The following NRXN1 variants were observed in gnomAD, a reference collection of about 807,000 sequenced individuals.
The protein encoded by NRXN1 is neurexin-1.
Under a neutral mutation model 150.9 loss-of-function variants are expected in NRXN1, and 39 were observed. That is an observed-to-expected ratio of 0.26 (90% CI 0.20 to 0.34). NRXN1 has a LOEUF of 0.34. NRXN1 is among the 10% of genes least tolerant of loss of function. NRXN1 has a pLI of 1.00. For synonymous variants in NRXN1, 924 were observed against 757.0 expected (o/e 1.22, Z -3.62); for missense variants, 1,815 against 1,949.9 (o/e 0.93, Z 1.30).
chr2:50,740,881 T>C (rs1699344347), intron 5 of NRXN1, among the ~76,000 whole-genome samples: 1 of 152,184 alleles, frequency 6.6e-6, no homozygotes, highest in Admixed American at 6.5e-5. Flanking sequence ...TCTGTCATAA[T>C]CAATAACTAC....
At chr2:50,902,859 GAATT>G (rs1202453714) in intron 5 of NRXN1, among the ~76,000 whole-genome samples, 9 of 152,186 alleles carry the variant, frequency 5.9e-5, no homozygotes, top group African/African-American at 1.7e-4. Context: ...AGTCAAAAAT[GAATT>G]AATAGATTAA....
intron 18 of NRXN1, among the ~76,000 whole-genome samples, chr2:50,141,723 C>T (rs897357932): frequency 6.6e-6 from 1 of 151,932 alleles, no homozygotes; most frequent in African/African-American, 2.4e-5. Flanking sequence ...TATAACTAAT[C>T]ATCAGGGAAA....
intron 14 of NRXN1, among the ~76,000 whole-genome samples, chr2:50,496,962 A>G (rs1434160185): frequency 6.6e-6 from 1 of 152,178 alleles, no homozygotes; most frequent in African/African-American, 2.4e-5. Flanking sequence ...CAATCTGAGT[A>G]CTTGAATTAG....
intron 5 of NRXN1, chr2:50,917,245 CTTA>C (rs999348265): frequency 1.3e-5 from 2 of 151,562 alleles, no homozygotes; most frequent in African/African-American, 4.8e-5. Context: ...AAACAGATGA[CTTA>C]TTATTATGAA....
chr2:50,479,185 TA>T (rs2090239378), intron 15 of NRXN1, among the ~76,000 whole-genome samples: 1 of 152,242 alleles, frequency 6.6e-6, no homozygotes, highest in African/African-American at 2.4e-5. Context: ...AAGATTGAAA[TA>T]ATATCTATCT....
intron 12 of NRXN1, among the ~76,000 whole-genome samples, chr2:50,525,237 C>T (rs914690184): frequency 1.3e-5 from 2 of 152,196 alleles, no homozygotes; most frequent in East Asian, 3.9e-4. Flanking sequence ...AAGGTTTCAA[C>T]AATGATTTGT....
In NRXN1 at chr2:50,941,370, T is replaced by A. The variant is rs146999485; in HGVS notation, c.773-15415A>T. On this transcript the variant is annotated intron_variant, in intron 2 of 22. Coordinates refer to ENST00000401669, the MANE Select transcript of NRXN1 (RefSeq NM_001330078.2). ...TTGGAACTGGGTAACGGGCAGAAAT[T>A]GGAATAGTTTGGAAGACTCAGAAGA... Among the ~76,000 whole-genome samples the A allele has an allele frequency of 7.2e-5, 11 of 152,218 alleles. No individual in the cohort carries two copies. In the East Asian group the frequency reaches 2.1e-3, roughly 29 times the overall value.
intron 5 of NRXN1, among the ~76,000 whole-genome samples, chr2:50,641,762 G>T (rs1425637515): frequency 2.0e-5 from 3 of 152,018 alleles, no homozygotes; most frequent in Non-Finnish European, 4.4e-5. Context: ...TGTGCTCAAG[G>T]TCATAAATCT....
chr2:50,904,560 C>G (rs1481397739), intron 5 of NRXN1, among the ~76,000 whole-genome samples: 1 of 152,148 alleles, frequency 6.6e-6, no homozygotes, highest in Non-Finnish European at 1.5e-5. Context: ...CTTTTCTGTG[C>G]TAGAGCTAAC....
Position 50,384,933 on chromosome 2 carries a change from C to G in NRXN1, c.3364+80509G>C, listed in dbSNP as rs184811656. ...TTGCTGTCCCTTAATCTTGGAACAG[C>G]CTTCCAATCAATGTGTTTTGAGCCA... On this transcript the variant is annotated intron_variant, in intron 17 of 22. Transcript: ENST00000401669. Among the ~76,000 whole-genome samples the G allele has an allele frequency of 4.9e-4, 75 of 152,238 alleles. 1 individual carries two copies. The highest frequency in any genetic ancestry group is 3.4e-3 in the Middle Eastern group (1 of 294).
chr2:50,068,557 A>G (rs111825008), intron 19 of NRXN1, among the ~76,000 whole-genome samples: 9 of 152,334 alleles, frequency 5.9e-5, no homozygotes, highest in African/African-American at 1.9e-4. Flanking sequence ...CTGGATCAGT[A>G]GCATAACATC....
intron 10 of NRXN1, among the ~76,000 whole-genome samples, chr2:50,533,701 C>T (rs929710999): frequency 6.6e-6 from 1 of 152,152 alleles, no homozygotes; most frequent in South Asian, 2.1e-4. Flanking sequence ...ATCTCTCTGG[C>T]CTCAGCTTTA....
At position 49,928,497 on chromosome 2, in the gene NRXN1, G is replaced by A. The variant is rs190024379; in HGVS notation, c.4217-6246C>T. 4.1e-3 allele frequency among the ~76,000 whole-genome samples: 626 copies of A among 152,080 alleles called. 3 individuals are homozygous for A. The highest frequency in any genetic ancestry group is 6.7e-3 in the Non-Finnish European group (453 of 67,984). ...TAGGCTAGACTTGAAAGTGATTTTG[G>A]ATTTATAGGGGGAAGATTTGACTTT... On this transcript the variant is annotated intron_variant, in intron 22 of 22. Coordinates refer to ENST00000401669, the MANE Select transcript of NRXN1 (RefSeq NM_001330078.2).
At chr2:50,759,383 A>T (rs1255478949) in intron 5 of NRXN1, among the ~76,000 whole-genome samples, 1 of 151,870 alleles carries the variant, frequency 6.6e-6, no homozygotes, top group Non-Finnish European at 1.5e-5. Context: ...GTATCTTTTT[A>T]TCTTGGGCTT....
chr2:50,356,240 A>G (rs970752615), intron 17 of NRXN1, among the ~76,000 whole-genome samples: 4 of 152,156 alleles, frequency 2.6e-5, no homozygotes, highest in African/African-American at 7.2e-5. Context: ...TTATCATCTA[A>G]TATTTTTTTC....
intron 13 of NRXN1, among the ~76,000 whole-genome samples, chr2:50,500,698 C>G (rs1181161069): frequency 6.6e-6 from 1 of 152,164 alleles, no homozygotes; most frequent in Non-Finnish European, 1.5e-5. Flanking sequence ...TAATCTCCAA[C>G]AAGACAACAA....
chr2:50,302,042 G>T (rs889924127), intron 17 of NRXN1, among the ~76,000 whole-genome samples: 1 of 151,886 alleles, frequency 6.6e-6, no homozygotes, highest in Non-Finnish European at 1.5e-5. Context: ...CAAACATGAA[G>T]AAATATTTTT....
At chr2:50,298,213 T>A (rs965832760) in intron 17 of NRXN1, among the ~76,000 whole-genome samples, 3 of 152,184 alleles carry the variant, frequency 2.0e-5, no homozygotes, top group Non-Finnish European at 4.4e-5. Flanking sequence ...GGTCCCAATA[T>A]CTTTACCACT....
chr2:50,080,500 A>G (rs1667022235), intron 19 of NRXN1, among the ~76,000 whole-genome samples: 1 of 152,086 alleles, frequency 6.6e-6, no homozygotes, highest in Non-Finnish European at 1.5e-5. Context: ...TATCTTTATG[A>G]TATTGGACAC....
Sources: allele counts gnomAD v4.1 joint callset (sites outside exome capture counted in the v4.1 genomes callset), GRCh38; gene constraint gnomAD v4.1.1; transcripts MANE v1.5; gene names NCBI Gene and HGNC (gene_info 2026-07-23, HGNC 2026-07-21).